The following VDAC2 variants were observed in gnomAD, a reference collection of about 807,000 sequenced individuals.
VDAC2 encodes the protein non-selective voltage-gated ion channel VDAC2.
In VDAC2, 6 loss-of-function variants were observed where a neutral mutation model predicts 36.6. The observed-to-expected ratio is 0.16, with a 90% CI of 0.09 to 0.32. The LOEUF (loss-of-function observed/expected upper bound fraction) is 0.32. Ranked by LOEUF, VDAC2 falls within the 10% of genes least tolerant of loss-of-function variation. The pLI is 1.00. For synonymous variants in VDAC2, 109 were observed against 123.8 expected (o/e 0.88, Z 0.79); for missense variants, 247 against 346.0 (o/e 0.71, Z 2.27).
chr10:75,211,535 A>G, intron 2 of VDAC2: 9 of 1,549,058 alleles, frequency 5.8e-6, no homozygotes, highest in Non-Finnish European at 7.0e-6. Flanking sequence ...GTGAGAGCGC[A>G]AGGTCATTAC....
At position 75,211,152 on chromosome 10, in the gene VDAC2, C is replaced by T. The variant is rs766631057; in HGVS notation, c.-7C>T. 6.2e-6 allele frequency: 10 copies of T among 1,612,004 alleles called. No individual in the cohort carries two copies. The South Asian group carries it at 9.9e-5, about 16-fold the overall frequency. On this transcript the variant is annotated 5_prime_UTR_variant, in exon 2 of 10. Transcript: ENST00000332211. ...CCCGCAGATTCCCCTCTTCCCGCGG[C>T]CTCGCCATGGCGACCCACGGACAGA...
At position 75,214,052 on chromosome 10, in the gene VDAC2, A is replaced by G; in HGVS notation, c.132A>G (p.Thr44=). ...GGTTGGTGAAACTGGATGTGAAAACAAAGTCTTGCAGTGGCGTGGTGAGTG... is the reference window on the plus strand; with the variant it reads ...GGTTGGTGAAACTGGATGTGAAAACGAAGTCTTGCAGTGGCGTGGTGAGTG... The part of the protein sequence containing the change: ...GFGLVKLDVK[T]KSCSGVEFST... Residue 44 remains threonine, a synonymous_variant, in exon 4 of 10, where the codon ACA becomes ACG. Transcript: ENST00000332211. The G allele has an allele frequency of 6.2e-7, 1 of 1,613,416 alleles. No individual in the cohort carries two copies. The highest frequency in any genetic ancestry group is 8.5e-7 in the Non-Finnish European group (1 of 1,179,604).
intron 2 of VDAC2, 150 bp from the exon 3 acceptor site, chr10:75,212,080 A>T: frequency 1.5e-6 from 1 of 689,406 alleles, no homozygotes; most frequent in Middle Eastern, 3.1e-4. Context: ...ATGGGTCGTT[A>T]TAGTTCTATT....
chr10:75,219,551 T>A (rs1841737019), intron 6 of VDAC2, among the ~76,000 whole-genome samples, 195 bp downstream of exon 6: 1 of 152,220 alleles, frequency 6.6e-6, no homozygotes, highest in South Asian at 2.1e-4. Context: ...TGGCATCATC[T>A]TGGCTCACTG....
chr10:75,210,747 G>A (rs143718219), upstream of VDAC2: 386 of 166,260 alleles, frequency 2.3e-3, 3 homozygotes, highest in African/African-American at 8.7e-3. Context: ...GCGCTGCAGG[G>A]ACAGGCGCGG....
At chr10:75,211,271 A>C (rs866306852) in intron 2 of VDAC2, 82 bp downstream of exon 2, 1 of 1,547,816 alleles carries the variant, frequency 6.5e-7, no homozygotes, top group African/African-American at 1.4e-5. Context: ...GTTTCCCCCT[A>C]TCTTTCCAAG....
intron 2 of VDAC2, chr10:75,211,673 G>A (rs1279771010): frequency 1.9e-6 from 3 of 1,550,332 alleles, no homozygotes; most frequent in Non-Finnish European, 2.6e-6. Flanking sequence ...AGTTTGAAGC[G>A]CTATTTGATA....
chr10:75,213,738 C>T (rs182713207), intron 3 of VDAC2, among the ~76,000 whole-genome samples: 4 of 151,706 alleles, frequency 2.6e-5, no homozygotes, highest in South Asian at 2.1e-4. Context: ...AGTGAGACTC[C>T]GTCTCAAAAT....
rs1842050712 is a variant in VDAC2 at position 75,229,640 on chromosome 10, T to G, written c.736-4T>G. 1 of 1,600,002 alleles carries G rather than the reference T, an allele frequency of 6.2e-7. No homozygotes were observed. The highest frequency in any genetic ancestry group is 8.5e-7 in the Non-Finnish European group (1 of 1,175,442). ...CTTACAGTTGTTTTTGTATTTTATT[T>G]TAGGCAAAAGTCAACAACTCTAGCT... On this transcript the variant is annotated splice_polypyrimidine_tract_variant and splice_region_variant and intron_variant, in intron 8 of 9. Coordinates refer to ENST00000332211, the MANE Select transcript of VDAC2 (RefSeq NM_001391963.1).
chr10:75,221,399 C>T (rs1841809307), intron 7 of VDAC2, among the ~76,000 whole-genome samples: 1 of 151,732 alleles, frequency 6.6e-6, no homozygotes, highest in Admixed American at 6.6e-5. Context: ...CTTTTGCGAT[C>T]TCGGCTCACT....
chr10:75,225,197 A>G (rs989183062), intron 8 of VDAC2, among the ~76,000 whole-genome samples: 1 of 152,242 alleles, frequency 6.6e-6, no homozygotes, highest in Non-Finnish European at 1.5e-5. Flanking sequence ...TCCATCCTGA[A>G]TAGTTCTGCA....
intron 8 of VDAC2, 151 bp downstream of exon 8, chr10:75,222,553 G>A (rs1841844080): frequency 8.9e-7 from 1 of 1,123,370 alleles, no homozygotes; most frequent in African/African-American, 1.6e-5. Flanking sequence ...CTTTTTTGAT[G>A]GATACAGTGT....
chr10:75,227,714 G>A (rs1841998361), intron 8 of VDAC2, among the ~76,000 whole-genome samples: 1 of 148,424 alleles, frequency 6.7e-6, no homozygotes, highest in Non-Finnish European at 1.5e-5. Context: ...AGCACCCCGA[G>A]TAGCTGGGAT....
At chr10:75,213,954 C>G in intron 3 of VDAC2, 67 bp from the exon 4 acceptor site, 1 of 1,509,452 alleles carries the variant, frequency 6.6e-7, no homozygotes, top group Non-Finnish European at 9.2e-7. Flanking sequence ...TATGTATAGT[C>G]AACAATTGCT....
At chr10:75,230,748 G>A (rs938705013) in intron 9 of VDAC2, 150 bp from the exon 10 acceptor site, 14 of 582,928 alleles carry the variant, frequency 2.4e-5, no homozygotes, top group Non-Finnish European at 3.6e-5. Flanking sequence ...ATACTTCCAA[G>A]CGCCCTCTGG....
Position 75,210,925 on chromosome 10 carries a change from C to T in VDAC2, c.-39C>T, listed in dbSNP as rs1025546745. The T allele has an allele frequency of 2.4e-5, 10 of 420,378 alleles. No individual in the cohort carries two copies. The highest frequency in any genetic ancestry group is 3.8e-5 in the Non-Finnish European group (9 of 237,054). The allele number at this position is 420,378 out of a possible 1,614,324, so 26.0% of individuals were successfully genotyped here. ...GCGGAGCGGTGGCGGCGGCCCCCCTCAGGACACCACCAGGTACCGCCGCGC... is the reference window on the plus strand; with the variant it reads ...GCGGAGCGGTGGCGGCGGCCCCCCTTAGGACACCACCAGGTACCGCCGCGC... On this transcript the variant is annotated 5_prime_UTR_variant, in exon 1 of 10. Transcript: ENST00000332211.
intron 7 of VDAC2, among the ~76,000 whole-genome samples, chr10:75,221,284 C>T (rs938501903): frequency 6.6e-6 from 1 of 152,110 alleles, no homozygotes; most frequent in Non-Finnish European, 1.5e-5. Flanking sequence ...GTGTGAGATG[C>T]TGACTTGATA....
At chr10:75,214,622 TC>T (rs1486159748) in intron 4 of VDAC2, among the ~76,000 whole-genome samples, 2 of 152,110 alleles carry the variant, frequency 1.3e-5, no homozygotes, top group African/African-American at 4.8e-5. Flanking sequence ...CCTCCTGAGT[TC>T]AGGTGATTCT....
Position 75,229,626 on chromosome 10 carries a change from TTTTGTA to T in VDAC2, c.736-14_736-9del, listed in dbSNP as rs1564717047. On this transcript the variant is annotated splice_polypyrimidine_tract_variant and intron_variant, in intron 8 of 9. Transcript: ENST00000332211. ...ATTGAAATATTTTTCTTACAGTTGT[TTTTGTA>T]TTTTATTTTAGGCAAAAGTCAACAA... The T allele has an allele frequency of 2.5e-6, 4 of 1,580,218 alleles. No individual in the cohort carries two copies. Among genetic ancestry groups the T allele is most frequent in the Non-Finnish European group, 3.4e-6 (4 of 1,161,212 alleles).
Sources: allele counts gnomAD v4.1 joint callset (sites outside exome capture counted in the v4.1 genomes callset), GRCh38; gene constraint gnomAD v4.1.1; transcripts MANE v1.5; gene names NCBI Gene and HGNC (gene_info 2026-07-23, HGNC 2026-07-21).